Variants in GALNTL6 observed in about 807,000 individuals in gnomAD.
The protein encoded by GALNTL6 is polypeptide N-acetylgalactosaminyltransferase like 6.
Under a neutral mutation model 73.7 loss-of-function variants are expected in GALNTL6, and 46 were observed. That is an observed-to-expected ratio of 0.62 (90% confidence interval 0.49 to 0.80). The LOEUF is 0.80. Among genes scored for constraint, GALNTL6 ranks in the 30% least tolerant of loss-of-function variants. The pLI is 0.00. For missense variants in GALNTL6, 604 were observed against 755.0 expected, an observed-to-expected ratio of 0.80 and a Z score of 2.34; for synonymous variants, 259 against 263.7, an observed-to-expected ratio of 0.98 and a Z score of 0.17.
chr4:172,517,236 T>G (rs1734637817), intron 5 of GALNTL6, among the ~76,000 whole-genome samples: 1 of 152,176 alleles, frequency 6.6e-6, no homozygotes, highest in African/African-American at 2.4e-5. Flanking sequence ...CAACCCATAT[T>G]TTAGTTTCTG....
intron 3 of GALNTL6, among the ~76,000 whole-genome samples, chr4:172,262,670 G>A (rs1420553399): frequency 6.6e-6 from 1 of 151,250 alleles, no homozygotes; most frequent in African/African-American, 2.4e-5. Flanking sequence ...CATGCCAAAT[G>A]CTGCCTAAAT....
chr4:172,767,230 G>A (rs1233550506), intron 5 of GALNTL6, among the ~76,000 whole-genome samples: 2 of 152,200 alleles, frequency 1.3e-5, no homozygotes, highest in African/African-American at 4.8e-5. Context: ...TGAGAATACA[G>A]TGGTAAGAAC....
intron 2 of GALNTL6, among the ~76,000 whole-genome samples, chr4:172,085,994 C>A (rs552747806): frequency 6.6e-6 from 1 of 152,148 alleles, no homozygotes; most frequent in East Asian, 1.9e-4. Context: ...AACACTGTAG[C>A]CTTTGTTCCC....
intron 7 of GALNTL6, among the ~76,000 whole-genome samples, chr4:172,876,060 G>T (rs1418669406): frequency 1.3e-5 from 2 of 152,118 alleles, no homozygotes; most frequent in African/African-American, 2.4e-5. Flanking sequence ...AATATTTATG[G>T]CTATAGTTTG....
rs1738303147 is a variant in GALNTL6 at position 172,262,781 on chromosome 4, GC to G, written c.247+33018del. 2.0e-5 allele frequency among the ~76,000 whole-genome samples: 3 copies of G among 151,610 alleles called. No individual in the cohort carries two copies. In the South Asian group the frequency reaches 6.2e-4, roughly 31 times the overall value. ...TTGATGTTTTGTTTCAGGATTTAGA[GC>G]TCCTTTTAGCATTTCTTGTAGTGCT... is the stretch of plus-strand genomic sequence containing the variant. On this transcript the variant is annotated intron_variant, in intron 3 of 12. Transcript: ENST00000506823.
intron 2 of GALNTL6, among the ~76,000 whole-genome samples, chr4:171,890,110 G>A (rs1388984205): frequency 6.6e-6 from 1 of 152,080 alleles, no homozygotes; most frequent in Non-Finnish European, 1.5e-5. Context: ...AAGTTTCTGT[G>A]TACTTACATC....
intron 10 of GALNTL6, among the ~76,000 whole-genome samples, chr4:172,972,123 C>A (rs555894366): frequency 2.6e-5 from 4 of 152,128 alleles, no homozygotes; most frequent in African/African-American, 9.6e-5. Flanking sequence ...TCAAAGACTG[C>A]AATTCATTGA....
chr4:172,723,597 A>G (rs1735618484), intron 5 of GALNTL6, among the ~76,000 whole-genome samples: 1 of 152,104 alleles, frequency 6.6e-6, no homozygotes, highest in South Asian at 2.1e-4. Context: ...TGACAGCAAG[A>G]TAAAACTTTT....
chr4:172,148,617 C>T (rs905632732), intron 2 of GALNTL6, among the ~76,000 whole-genome samples: 2 of 152,148 alleles, frequency 1.3e-5, no homozygotes, highest in African/African-American at 2.4e-5. Context: ...ATTTCCTATG[C>T]ATGTTATATC....
At chr4:172,145,904 A>G (rs1733915096) in intron 2 of GALNTL6, among the ~76,000 whole-genome samples, 1 of 152,202 alleles carries the variant, frequency 6.6e-6, no homozygotes. Flanking sequence ...TTGAATAAAT[A>G]AAATACAAAT....
intron 8 of GALNTL6, among the ~76,000 whole-genome samples, chr4:172,886,491 C>T (rs748080135): frequency 6.6e-6 from 1 of 152,010 alleles, no homozygotes; most frequent in Non-Finnish European, 1.5e-5. Flanking sequence ...ATTGGCTGGA[C>T]GCGGTGGCTC....
chr4:172,079,540 G>T (rs1227734722), intron 2 of GALNTL6, among the ~76,000 whole-genome samples: 1 of 151,988 alleles, frequency 6.6e-6, no homozygotes, highest in Admixed American at 6.6e-5. Context: ...CTCCAGAAAT[G>T]CTGTACCAGT....
chr4:172,761,963 T>C (rs1419505458), intron 5 of GALNTL6, among the ~76,000 whole-genome samples: 1 of 152,220 alleles, frequency 6.6e-6, no homozygotes, highest in African/African-American at 2.4e-5. Flanking sequence ...CCAGCTAGTA[T>C]ACAGTGCAAA....
In GALNTL6 at chr4:172,556,034, G is replaced by A. The variant is rs181832367; in HGVS notation, c.553+207345G>A. Among the ~76,000 whole-genome samples, 44 of 152,156 alleles carry A rather than the reference G, an allele frequency of 2.9e-4. No individual in the cohort carries two copies. The East Asian group carries it at 4.0e-3, about 14-fold the overall frequency. On this transcript the variant is annotated intron_variant, in intron 5 of 12. Transcript: ENST00000506823. The stretch of plus-strand genomic sequence containing the variant: ...TTTAAATTTGCAAACTCAACATTAT[G>A]TTAGGATACCTTCTGGCATTTAATT...
At chr4:172,398,564 TGAAA>T (rs1317093128) in intron 5 of GALNTL6, among the ~76,000 whole-genome samples, 1 of 152,142 alleles carries the variant, frequency 6.6e-6, no homozygotes, top group East Asian at 1.9e-4. Flanking sequence ...TGTGTTGAGA[TGAAA>T]GAAAGAAACT....
chr4:172,080,573 C>T (rs1160492056), intron 2 of GALNTL6, among the ~76,000 whole-genome samples: 1 of 151,648 alleles, frequency 6.6e-6, no homozygotes, highest in Non-Finnish European at 1.5e-5. Flanking sequence ...AAATAAAGTG[C>T]AATAAAATTT....
At chr4:172,460,666 G>T (rs578224814) in intron 5 of GALNTL6, among the ~76,000 whole-genome samples, 1 of 152,324 alleles carries the variant, frequency 6.6e-6, no homozygotes, top group South Asian at 2.1e-4. Flanking sequence ...ACCACAGTGA[G>T]ATACCATCTC....
chr4:172,239,790 A>G lies in GALNTL6; in HGVS notation c.247+10026A>G, dbSNP rs182787939. 8.6e-3 allele frequency among the ~76,000 whole-genome samples: 1,303 copies of G among 152,258 alleles called. 19 individuals carry two copies. The highest frequency in any genetic ancestry group is 0.03 in the African/African-American group (1,243 of 41,544). On this transcript the variant is annotated intron_variant, in intron 3 of 12. Transcript: ENST00000506823. ...TTTAGGATATGTGCCATGTGCTGAT[A>G]AGAATGTGTATTTTTCTGATTTTGA...
At chr4:172,363,250 C>T (rs143209108) in intron 5 of GALNTL6, among the ~76,000 whole-genome samples, 19 of 152,204 alleles carry the variant, frequency 1.2e-4, no homozygotes, top group African/African-American at 2.2e-4. Flanking sequence ...GTCTCTATAA[C>T]GGTTCCCTTC....
Sources: gnomAD v4.1 joint callset for allele counts (sites outside exome capture counted in the v4.1 genomes callset) on GRCh38, gnomAD v4.1.1 for gene constraint, MANE v1.5 for transcripts, NCBI Gene and HGNC (gene_info 2026-07-23, HGNC 2026-07-21) for gene names.